Variants in SHC3 observed in about 807,000 individuals in gnomAD.
SHC3 encodes the protein SHC adaptor protein 3.
SHC3 carries 15 observed loss-of-function variants against 60.4 expected under a neutral mutation model. The ratio of observed to expected loss-of-function variants is 0.25; its 90% CI spans 0.17 to 0.38. The LOEUF is 0.38. Among genes scored for constraint, SHC3 ranks in the 10% least tolerant of loss-of-function variants. The pLI is 1.00. For missense variants in SHC3, 677 were observed against 786.1 expected, an observed-to-expected ratio of 0.86 and a Z score of 1.66; for synonymous variants, 294 against 325.9, an observed-to-expected ratio of 0.90 and a Z score of 1.05.
chr9:89,029,320 A>T (rs940286181), intron 11 of SHC3, among the ~76,000 whole-genome samples: 2 of 152,056 alleles, frequency 1.3e-5, no homozygotes, highest in African/African-American at 4.8e-5. Context: ...AAAAAGACAC[A>T]CATGTAGATT....
chr9:89,133,751 G>C (rs1371522205), intron 1 of SHC3, among the ~76,000 whole-genome samples: 2 of 152,056 alleles, frequency 1.3e-5, no homozygotes, highest in Non-Finnish European at 2.9e-5. Context: ...TCACACACTG[G>C]GGCCTGTCAT....
At chr9:89,063,883 G>A (rs1825132170) in intron 6 of SHC3, among the ~76,000 whole-genome samples, 1 of 152,324 alleles carries the variant, frequency 6.6e-6, no homozygotes, top group African/African-American at 2.4e-5. Context: ...TCAAACAAAG[G>A]GCCTGTCTTA....
intron 6 of SHC3, among the ~76,000 whole-genome samples, chr9:89,064,756 G>A (rs1479293487): frequency 6.6e-6 from 1 of 152,142 alleles, no homozygotes; most frequent in African/African-American, 2.4e-5. Context: ...TAGCAAAACA[G>A]AATATTAGGA....
intron 1 of SHC3, among the ~76,000 whole-genome samples, chr9:89,128,974 G>C (rs1224721059): frequency 6.6e-6 from 1 of 152,128 alleles, no homozygotes; most frequent in Non-Finnish European, 1.5e-5. Flanking sequence ...AAAGGAGGAT[G>C]TTCGAACCCA....
intron 2 of SHC3, among the ~76,000 whole-genome samples, chr9:89,096,484 G>T (rs529286245): frequency 4.3e-4 from 65 of 152,272 alleles, no homozygotes; most frequent in Admixed American, 1.6e-3. Context: ...GTATTGACAT[G>T]ATTGCTTAAT....
Position 89,057,315 on chromosome 9 carries a change from C to CT in SHC3, c.836-5153dup, listed in dbSNP as rs10606274. On this transcript the variant is annotated intron_variant, in intron 6 of 11. Coordinates refer to ENST00000375835, the MANE Select transcript of SHC3 (RefSeq NM_016848.6). ...CTGAATTGATCCAGTTTTCCTTTTT[C>CT]TTTTTTTTTTTTTTTTTTTTAATCA... is the stretch of plus-strand genomic sequence containing the variant. Among the ~76,000 whole-genome samples the CT allele has an allele frequency of 1.0e-3, 137 of 133,726 alleles. 1 individual carries two copies. The highest frequency in any genetic ancestry group is 5.4e-3 in the South Asian group (21 of 3,876). 87.7% of individuals were successfully genotyped at this position (133,726 alleles called of 152,430 possible).
At chr9:89,085,528 G>A (rs145138418) in intron 2 of SHC3, among the ~76,000 whole-genome samples, 182 of 152,344 alleles carry the variant, frequency 1.2e-3, no homozygotes, top group Middle Eastern at 3.4e-3. Flanking sequence ...GATTCTGCAG[G>A]TAGATAGACA....
chr9:89,113,147 C>T (rs1394309255), intron 1 of SHC3, among the ~76,000 whole-genome samples: 1 of 152,026 alleles, frequency 6.6e-6, no homozygotes, highest in Non-Finnish European at 1.5e-5. Flanking sequence ...TATAGATTAC[C>T]CTCAAAGGTG....
intron 1 of SHC3, among the ~76,000 whole-genome samples, chr9:89,147,148 T>C (rs1415735992): frequency 7.1e-6 from 1 of 141,286 alleles, no homozygotes; most frequent in Non-Finnish European, 1.5e-5. Context: ...CAACAGCCTT[T>C]CTGTAACTGG....
At position 89,166,570 on chromosome 9, in the gene SHC3, T is replaced by G. The variant is rs958275709; in HGVS notation, c.474+11417A>C. 1.9e-4 allele frequency among the ~76,000 whole-genome samples: 29 copies of G among 152,192 alleles called. No homozygotes were observed. In the East Asian group the frequency reaches 3.3e-3, roughly 17 times the overall value. ...GCTGTGAGCCAACAGCATCAGGGTCTGCGGGGAGGGAGGTCAGGCGGCAAA... is the reference window on the plus strand; with the variant it reads ...GCTGTGAGCCAACAGCATCAGGGTCGGCGGGGAGGGAGGTCAGGCGGCAAA... On this transcript the variant is annotated intron_variant, in intron 1 of 11. Coordinates refer to ENST00000375835, the MANE Select transcript of SHC3 (RefSeq NM_016848.6).
intron 11 of SHC3, among the ~76,000 whole-genome samples, chr9:89,031,163 G>T (rs954971087): frequency 3.3e-5 from 5 of 152,160 alleles, no homozygotes; most frequent in African/African-American, 1.2e-4. Context: ...TAGGATTTCA[G>T]ATGTGAGCCA....
At chr9:89,061,621 G>A (rs1217507403) in intron 6 of SHC3, among the ~76,000 whole-genome samples, 1 of 152,148 alleles carries the variant, frequency 6.6e-6, no homozygotes, top group Non-Finnish European at 1.5e-5. Context: ...TAGTCATCAC[G>A]GTTTATCCGA....
At chr9:89,029,568 A>C (rs1321481911) in intron 11 of SHC3, among the ~76,000 whole-genome samples, 2 of 152,202 alleles carry the variant, frequency 1.3e-5, no homozygotes, top group African/African-American at 4.8e-5. Context: ...GTGAAAGCCA[A>C]GAAAGAGGAA....
Position 89,178,522 on chromosome 9 carries a change from G to A in SHC3, c.-62C>T. ...GCTGGTGCCGGCCCCGGCGCGGGCTGCCGCGCATAGCAGGCGAGCCACTGT... is the reference window on the plus strand; with the variant it reads ...GCTGGTGCCGGCCCCGGCGCGGGCTACCGCGCATAGCAGGCGAGCCACTGT... On this transcript the variant is annotated 5_prime_UTR_variant, in exon 1 of 12. Transcript: ENST00000375835. The surrounding 1 kb of genome is among the most constrained non-coding windows in gnomAD (Gnocchi z 6.9). 5 of 1,370,652 alleles carry A rather than the reference G, an allele frequency of 3.6e-6. No individual in the cohort carries two copies. In the South Asian group the frequency reaches 5.0e-5, roughly 14 times the overall value. The allele number at this position is 1,370,652 out of a possible 1,614,324, so 84.9% of individuals were successfully genotyped here.
At chr9:89,106,978 C>A (rs539579511) in intron 2 of SHC3, among the ~76,000 whole-genome samples, 10 of 152,216 alleles carry the variant, frequency 6.6e-5, no homozygotes, top group Middle Eastern at 6.8e-3. Flanking sequence ...GGTGTTCTAA[C>A]GGCAGGAAGG....
chr9:89,072,856 T>G (rs1587710902), intron 4 of SHC3, among the ~76,000 whole-genome samples: 1 of 152,200 alleles, frequency 6.6e-6, no homozygotes, highest in East Asian at 1.9e-4. Context: ...AACATGCTCC[T>G]GTAAAACTTG....
In SHC3 at chr9:89,035,830, A is replaced by AAAATATATATAT. The variant is rs1432811585; in HGVS notation, c.1656+2162_1656+2163insATATATATATTT. ...AAACAAGCAAAAAACAAACAAACAAAATATATATATATATATATAGATGTG... is the reference window on the plus strand; with the variant it reads ...AAACAAGCAAAAAACAAACAAACAAAAAATATATATATATATATATATATATATATAGATGTG... On this transcript the variant is annotated intron_variant, in intron 11 of 11. Coordinates refer to ENST00000375835, the MANE Select transcript of SHC3 (RefSeq NM_016848.6). 2.8e-5 allele frequency among the ~76,000 whole-genome samples: 3 copies of AAAATATATATAT among 106,456 alleles called. No individual in the cohort carries two copies. In the East Asian group the frequency reaches 1.1e-3, roughly 40 times the overall value. The allele number at this position is 106,456 out of a possible 152,430, so 69.8% of individuals were successfully genotyped here. A position where few individuals can be genotyped will look rare whatever the true frequency, so the allele number is the denominator to read the frequency against.
At chr9:89,015,323 G>A (rs2118634826) in intron 11 of SHC3, among the ~76,000 whole-genome samples, 1 of 152,328 alleles carries the variant, frequency 6.6e-6, no homozygotes, top group Middle Eastern at 3.4e-3. Flanking sequence ...TGGGTGAAGA[G>A]TGATTTAGGG....
rs887128770 is a variant in SHC3 at position 89,075,242 on chromosome 9, G to A, written c.610-14C>T. ...TTTGCTTGGAGGCTGTGAAATTAAA[G>A]AGCATTATTTTAGCTGTTTCATTTC... On this transcript the variant is annotated splice_polypyrimidine_tract_variant and intron_variant, in intron 3 of 11. Coordinates refer to ENST00000375835, the MANE Select transcript of SHC3 (RefSeq NM_016848.6). The A allele has an allele frequency of 6.2e-7, 1 of 1,613,030 alleles. No individual in the cohort carries two copies. The highest frequency in any genetic ancestry group is 8.5e-7 in the Non-Finnish European group (1 of 1,179,424).
Sources: allele counts gnomAD v4.1 joint callset (sites outside exome capture counted in the v4.1 genomes callset), GRCh38; gene constraint gnomAD v4.1.1; non-coding constraint Gnocchi (gnomAD v3.1); transcripts MANE v1.5; gene names NCBI Gene and HGNC (gene_info 2026-07-23, HGNC 2026-07-21).